Variants in MTIF2 observed in about 807,000 individuals in gnomAD.
MTIF2 encodes translation initiation factor IF-2, mitochondrial.
Under a neutral mutation model 83.5 loss-of-function variants are expected in MTIF2, and 71 were observed. That is an observed-to-expected ratio of 0.85 (90% confidence interval 0.70 to 1.04). The LOEUF is 1.04. Among genes scored for constraint, MTIF2 ranks in the 50% least tolerant of loss-of-function variants. The pLI is 0.00. For missense variants in MTIF2, 957 were observed against 846.5 expected (o/e 1.13, Z -1.62); for synonymous variants, 319 against 287.1 (o/e 1.11, Z -1.12).
chr2:55,260,079 T>G (rs747397569), intron 5 of MTIF2, among the ~76,000 whole-genome samples: 1 of 152,212 alleles, frequency 6.6e-6, no homozygotes, highest in Admixed American at 6.6e-5. Context: ...ATAAAATGAC[T>G]GAATAATCCA....
chr2:55,259,105 CTG>C (rs1004779040), intron 5 of MTIF2, among the ~76,000 whole-genome samples: 88 of 152,252 alleles, frequency 5.8e-4, no homozygotes, highest in African/African-American at 2.1e-3. Context: ...CATTTCCCCT[CTG>C]TGTTAAATGC....
intron 2 of MTIF2, among the ~76,000 whole-genome samples, chr2:55,268,118 T>G (rs1678573360): frequency 6.6e-6 from 1 of 151,886 alleles, no homozygotes; most frequent in Admixed American, 6.6e-5. Flanking sequence ...CCGGGTACGG[T>G]GGCGGGCGCC....
intron 13 of MTIF2, 30 bp downstream of exon 13, chr2:55,242,910 C>T (rs1441762313): frequency 1.9e-6 from 3 of 1,591,656 alleles, no homozygotes; most frequent in African/African-American, 1.3e-5. Flanking sequence ...TTGGGGAACA[C>T]AGATTAACAA....
chr2:55,262,745 T>C (rs1678123850), intron 4 of MTIF2, among the ~76,000 whole-genome samples: 1 of 151,750 alleles, frequency 6.6e-6, no homozygotes, highest in Non-Finnish European at 1.5e-5. Flanking sequence ...TTGTTTTGTT[T>C]TGAGACAGAG....
intron 9 of MTIF2, among the ~76,000 whole-genome samples, chr2:55,247,548 T>C (rs1222376282): frequency 2.6e-5 from 4 of 152,058 alleles, no homozygotes; most frequent in African/African-American, 9.7e-5. Context: ...CAAGACTTCA[T>C]TTCAAAAAAC....
At chr2:55,267,160 C>A (rs927719888) in intron 3 of MTIF2, among the ~76,000 whole-genome samples, 1 of 151,772 alleles carries the variant, frequency 6.6e-6, no homozygotes, top group Non-Finnish European at 1.5e-5. Context: ...ATAGAATATA[C>A]TGAATTTTTT....
intron 8 of MTIF2, among the ~76,000 whole-genome samples, chr2:55,252,196 A>G (rs1677145023): frequency 6.6e-6 from 1 of 152,114 alleles, no homozygotes; most frequent in African/African-American, 2.4e-5. Flanking sequence ...TTACTTTTGT[A>G]TCTGTTTAAA....
rs535457033 is a variant in MTIF2, at chr2:55,247,082, A to G, written c.982-621T>C. On this transcript the variant is annotated intron_variant, in intron 9 of 15. Transcript: ENST00000263629. ...CCCTGGATCTCCTTACCTCAACCATAAAATGAAGAAGCTGGAGTGGGTGAT... is the reference window on the plus strand; with the variant it reads ...CCCTGGATCTCCTTACCTCAACCATGAAATGAAGAAGCTGGAGTGGGTGAT... Among the ~76,000 whole-genome samples the G allele has an allele frequency of 1.8e-3, 279 of 152,294 alleles. 1 individual carries two copies. The highest frequency in any genetic ancestry group is 3.4e-3 in the Middle Eastern group (1 of 294).
Position 55,263,806 on chromosome 2 carries a change from T to G in MTIF2, c.53A>C (p.Tyr18Ser), listed in dbSNP as rs908399621. 6.2e-7 allele frequency: 1 copy of G among 1,613,948 alleles called. No individual in the cohort carries two copies. Among genetic ancestry groups the G allele is most frequent in the Non-Finnish European group, 8.5e-7 (1 of 1,180,044 alleles). Residue 18 changes from tyrosine (Y) to serine (S), a missense_variant, in exon 4 of 16, where the codon TAT (tyrosine) becomes TCT (serine). Transcript: ENST00000263629. ...TTGACACAGACTGTGCAGTTGCCTA[T>G]AAATAGTGTGAAATCGTAGCAAGTT... ...LENLLRFHTI[Y>S]RQLHSLCQRR... is the part of the protein sequence containing the mutation.
At chr2:55,253,029 A>G (rs890638619) in intron 7 of MTIF2, among the ~76,000 whole-genome samples, 1 of 152,246 alleles carries the variant, frequency 6.6e-6, no homozygotes, top group African/African-American at 2.4e-5. Context: ...GAGGCAATTT[A>G]GTAGGCAGTA....
Position 55,251,878 on chromosome 2 carries a change from G to A in MTIF2, c.841+599C>T, listed in dbSNP as rs549227532. Among the ~76,000 whole-genome samples the A allele has an allele frequency of 7.9e-5, 12 of 152,170 alleles. No individual in the cohort carries two copies. The South Asian group carries it at 1.5e-3, about 18-fold the overall frequency. On this transcript the variant is annotated intron_variant, in intron 8 of 15. Coordinates refer to ENST00000263629, the MANE Select transcript of MTIF2 (RefSeq NM_002453.3). The stretch of plus-strand genomic sequence containing the variant: ...TGACCTCAGGTGATCCACCGGCCTC[G>A]GCCTCCCAAAGTGCTGGGATTCCAG...
chr2:55,243,577 T>C lies in MTIF2; in HGVS notation c.1403A>G (p.Lys468Arg). The C allele has an allele frequency of 6.2e-7, 1 of 1,614,148 alleles. No homozygotes were observed. The highest frequency in any genetic ancestry group is 2.2e-5 in the East Asian group (1 of 44,860). The change falls in exon 12 of 16, where the codon AAG becomes AGG. Residue 468 changes from lysine (K) to arginine (R), a missense_variant. Around this residue, in one of 3 missense-constraint regions of MTIF2, gnomAD observed 733 missense variants for 648.7 expected, o/e 1.13. Transcript: ENST00000263629. ...EDLKIIEEKR[K>R]EHKEAHQKAR... is the part of the protein sequence containing the mutation. ...TTTCTGATGTGCTTCTTTGTGTTCC[T>C]TTCGCTTTTCTTCTATTATTTTCAG... is the stretch of plus-strand genomic sequence containing the variant.
chr2:55,239,605 CAA>C (rs1376891010), intron 14 of MTIF2, among the ~76,000 whole-genome samples: 1 of 152,028 alleles, frequency 6.6e-6, no homozygotes, highest in Non-Finnish European at 1.5e-5. Context: ...ATGCTAGAAA[CAA>C]TATTTTTAAA....
chr2:55,250,908 G>A (rs1677046109), intron 8 of MTIF2, among the ~76,000 whole-genome samples: 1 of 152,050 alleles, frequency 6.6e-6, no homozygotes, highest in South Asian at 2.1e-4. Context: ...TCAGGAGTTT[G>A]AGACCAACCT....
intron 5 of MTIF2, among the ~76,000 whole-genome samples, chr2:55,261,819 T>G (rs1474512948): frequency 2.0e-5 from 3 of 150,390 alleles, no homozygotes; most frequent in African/African-American, 7.3e-5. Flanking sequence ...ATGCCTGTAG[T>G]CCCAGCTACT....
At chr2:55,262,535 T>A in intron 4 of MTIF2, 108 bp from the exon 5 acceptor site, 2 of 468,818 alleles carry the variant, frequency 4.3e-6, no homozygotes, top group Admixed American at 9.3e-5. Context: ...TTCTTTCTTT[T>A]TTTTTCTTTT....
At chr2:55,262,268 G>C (rs190288206) in intron 5 of MTIF2, 48 bp downstream of exon 5, 1 of 1,282,080 alleles carries the variant, frequency 7.8e-7, no homozygotes, top group Non-Finnish European at 1.1e-6. Flanking sequence ...TAAAATGCCC[G>C]GTCTTCCAAC....
intron 6 of MTIF2, 106 bp downstream of exon 6, chr2:55,254,548 A>C: frequency 2.1e-6 from 2 of 959,320 alleles, no homozygotes; most frequent in Non-Finnish European, 3.0e-6. Flanking sequence ...ATACACACAT[A>C]TCTTTATTAC....
rs953908249 is a variant in MTIF2, at chr2:55,243,962, A to T, written c.1311+67T>A. 2.3e-6 allele frequency: 3 copies of T among 1,294,862 alleles called. No individual in the cohort carries two copies. The African/African-American group carries it at 4.5e-5, about 19-fold the overall frequency. 80.2% of individuals were successfully genotyped at this position (1,294,862 alleles called of 1,614,324 possible). A position where few individuals can be genotyped will look rare whatever the true frequency, so the allele number is the denominator to read the frequency against. On this transcript the variant is annotated intron_variant, in intron 11 of 15. Coordinates refer to ENST00000263629, the MANE Select transcript of MTIF2 (RefSeq NM_002453.3). ...TAACATTAATACACATATTTGGTATAACATTGTAAACTGGCATTTAAAATC... is the reference window on the plus strand; with the variant it reads ...TAACATTAATACACATATTTGGTATTACATTGTAAACTGGCATTTAAAATC...
Sources: allele counts gnomAD v4.1 joint callset (sites outside exome capture counted in the v4.1 genomes callset), GRCh38; gene constraint gnomAD v4.1.1; regional missense constraint gnomAD v4.1.1; transcripts MANE v1.5; gene names NCBI Gene and HGNC (gene_info 2026-07-23, HGNC 2026-07-21).